The following GALNT13 variants were observed in gnomAD, a reference collection of about 807,000 sequenced individuals.
GALNT13 encodes the protein polypeptide N-acetylgalactosaminyltransferase 13.
Under a neutral mutation model 64.2 loss-of-function variants are expected in GALNT13, and 28 were observed. The observed-to-expected ratio is 0.44, with a 90% CI of 0.32 to 0.60. GALNT13 has a LOEUF of 0.60. GALNT13 is among the 20% of genes least tolerant of loss of function. GALNT13 has a pLI of 0.05. For missense variants in GALNT13, 577 were observed against 669.8 expected (o/e 0.86, Z 1.53); for synonymous variants, 214 against 224.6 (o/e 0.95, Z 0.42).
the GALNT13 span, among the ~76,000 whole-genome samples, chr2:153,116,485 T>C: frequency 1.3e-5 from 2 of 152,232 alleles, no homozygotes; most frequent in South Asian, 2.1e-4. Flanking sequence ...AATAGGAAAA[T>C]AGAAGAAAAC....
At chr2:154,113,436 G>A (rs1703101101) in intron 3 of GALNT13, among the ~76,000 whole-genome samples, 1 of 152,230 alleles carries the variant, frequency 6.6e-6, no homozygotes, top group South Asian at 2.1e-4. Flanking sequence ...AATGACGAAT[G>A]TGTTGCCTCC....
chr2:153,684,267 T>C, the GALNT13 span, among the ~76,000 whole-genome samples: 1 of 151,716 alleles, frequency 6.6e-6, no homozygotes, highest in East Asian at 1.9e-4. Context: ...TTATGTTATT[T>C]CCATATTGTT....
chr2:153,308,474 A>G, the GALNT13 span, among the ~76,000 whole-genome samples: 2 of 152,086 alleles, frequency 1.3e-5, no homozygotes, highest in Non-Finnish European at 2.9e-5. Flanking sequence ...TGAATTTCCT[A>G]TGTTCAATTT....
At chr2:154,380,409 A>G (rs1191761011) in intron 9 of GALNT13, among the ~76,000 whole-genome samples, 1 of 152,062 alleles carries the variant, frequency 6.6e-6, no homozygotes, top group African/African-American at 2.4e-5. Context: ...GTGATAGCAT[A>G]TCTTTTTTAA....
the GALNT13 span, among the ~76,000 whole-genome samples, chr2:153,347,742 A>G: frequency 3.3e-5 from 5 of 152,190 alleles, no homozygotes; most frequent in South Asian, 1.0e-3. Context: ...TAAGACAGGA[A>G]GAATCATATG....
At chr2:154,256,604 A>T (rs1690389673) in intron 7 of GALNT13, among the ~76,000 whole-genome samples, 1 of 152,168 alleles carries the variant, frequency 6.6e-6, no homozygotes, top group Non-Finnish European at 1.5e-5. Context: ...TAAATGAAGG[A>T]TAGCAAGGAT....
chr2:153,297,621 T>C, the GALNT13 span, among the ~76,000 whole-genome samples: 5 of 152,196 alleles, frequency 3.3e-5, no homozygotes, highest in African/African-American at 9.6e-5. Context: ...CTAACTTTAT[T>C]GTAATGTACA....
At chr2:153,683,926 T>C in the GALNT13 span, among the ~76,000 whole-genome samples, 1 of 151,702 alleles carries the variant, frequency 6.6e-6, no homozygotes, top group African/African-American at 2.4e-5. Flanking sequence ...TAAACGTGTG[T>C]GACAAGAAAC....
At chr2:153,641,321 T>C in the GALNT13 span, among the ~76,000 whole-genome samples, 1 of 152,154 alleles carries the variant, frequency 6.6e-6, no homozygotes, top group Non-Finnish European at 1.5e-5. Context: ...TCTTAAGTGG[T>C]TAAAGTTAAG....
the GALNT13 span, among the ~76,000 whole-genome samples, chr2:153,527,859 T>G: frequency 2.0e-5 from 3 of 152,054 alleles, no homozygotes; most frequent in Admixed American, 2.0e-4. Context: ...TTTATCAGCT[T>G]AAAATAGTGG....
intron 4 of GALNT13, among the ~76,000 whole-genome samples, chr2:154,145,070 C>CTCTCTA (rs1197890145): frequency 1.2e-4 from 17 of 136,230 alleles, no homozygotes; most frequent in African/African-American, 2.2e-4. Context: ...CTCTCTCTCT[C>CTCTCTA]TCTATCTATC....
At chr2:154,284,958 T>C (rs1362004389) in intron 8 of GALNT13, among the ~76,000 whole-genome samples, 1 of 152,226 alleles carries the variant, frequency 6.6e-6, no homozygotes, top group African/African-American at 2.4e-5. Context: ...GTGGTTTTAA[T>C]TTCCATGTCT....
chr2:153,452,354 G>A, the GALNT13 span, among the ~76,000 whole-genome samples: 2 of 152,028 alleles, frequency 1.3e-5, no homozygotes, highest in Non-Finnish European at 2.9e-5. Flanking sequence ...GGTGGAGGGT[G>A]CCTGTAGTCC....
chr2:154,040,312 G>T (rs2105325511), intron 3 of GALNT13, among the ~76,000 whole-genome samples: 1 of 141,256 alleles, frequency 7.1e-6, no homozygotes, highest in South Asian at 2.2e-4. Context: ...CAAACCAAAT[G>T]TGTTCAAATC....
At chr2:153,562,058 CTCTGTGTGTGTGTGTGTGTG>C in the GALNT13 span, among the ~76,000 whole-genome samples, 11 of 87,146 alleles carry the variant, frequency 1.3e-4, no homozygotes, top group Admixed American at 2.6e-4. Flanking sequence ...CTCTCTCTCT[CTCTGTGTGTGTGTGTGTGTG>C]TGTGTGTGTG....
the GALNT13 span, among the ~76,000 whole-genome samples, chr2:153,327,173 G>A: frequency 1.3e-5 from 2 of 152,188 alleles, no homozygotes; most frequent in African/African-American, 4.8e-5. Context: ...GAGATCTGCT[G>A]TTAGTCTGAT....
chr2:154,218,629 C>T (rs1009963266), intron 4 of GALNT13, among the ~76,000 whole-genome samples: 6 of 152,202 alleles, frequency 3.9e-5, no homozygotes, highest in Non-Finnish European at 8.8e-5. Context: ...TCCAGCAGGC[C>T]TTTCAGTCTT....
chr2:153,141,158 A>G, the GALNT13 span, among the ~76,000 whole-genome samples: 26,171 of 148,396 alleles, frequency 0.18, 3,074 homozygotes, highest in South Asian at 0.28. Flanking sequence ...CTGGAAGAGC[A>G]TAATGTTTTC....
chr2:153,561,103 A>G, the GALNT13 span, among the ~76,000 whole-genome samples: 1 of 151,680 alleles, frequency 6.6e-6, no homozygotes, highest in Non-Finnish European at 1.5e-5. Context: ...TGCTAAGTCT[A>G]TTGATTTGGA....
Sources: gnomAD v4.1 joint callset for allele counts (sites outside exome capture counted in the v4.1 genomes callset) on GRCh38, gnomAD v4.1.1 for gene constraint, MANE v1.5 for transcripts, NCBI Gene and HGNC (gene_info 2026-07-23, HGNC 2026-07-21) for gene names.